KDM5A: variants seen among roughly 807,000 people sequenced by gnomAD.
The protein encoded by KDM5A is lysine-specific demethylase 5A.
Under a neutral mutation model 193.5 loss-of-function variants are expected in KDM5A, and 42 were observed. The ratio of observed to expected loss-of-function variants is 0.22; its 90% CI spans 0.17 to 0.28. The LOEUF is 0.28. Among genes scored for constraint, KDM5A ranks in the 10% least tolerant of loss-of-function variants. The pLI, the probability that KDM5A is intolerant of heterozygous loss-of-function variation, is 1.00. For synonymous variants in KDM5A, 796 were observed against 718.1 expected (o/e 1.11, Z -1.73); for missense variants, 1,692 against 2,055.1 (o/e 0.82, Z 3.42).
At chr12:350,595 A>G (rs771853431) in intron 10 of KDM5A, 26 bp downstream of exon 10, 19 of 1,612,754 alleles carry the variant, frequency 1.2e-5, no homozygotes, top group Non-Finnish European at 1.4e-5. Context: ...GCTTGGGGGT[A>G]AGCAAAAGTT....
chr12:327,429 G>T (rs1051029480), intron 14 of KDM5A, among the ~76,000 whole-genome samples: 1 of 152,146 alleles, frequency 6.6e-6, no homozygotes, highest in Non-Finnish European at 1.5e-5. Flanking sequence ...ACAAGTATAG[G>T]CCGGGCACAG....
chr12:385,139 C>CA (rs1447094766), intron 2 of KDM5A, among the ~76,000 whole-genome samples: 5 of 148,038 alleles, frequency 3.4e-5, no homozygotes, highest in African/African-American at 5.0e-5. Flanking sequence ...GCCGAGATCG[C>CA]ACCACTGCAC....
In KDM5A at chr12:292,885, A is replaced by G. The variant is rs369122121; in HGVS notation, c.4740T>C (p.Thr1580=). Residue 1580 remains threonine (T), a synonymous_variant, in exon 27 of 28, where the codon ACT becomes ACC. Transcript: ENST00000399788. ...GCACCTTTTTCTCTCTTTTCTTTTCAGTGCTCTCTTTCACAAGTTCAACTT... is the reference window on the plus strand; with the variant it reads ...GCACCTTTTTCTCTCTTTTCTTTTCGGTGCTCTCTTTCACAAGTTCAACTT... The part of the protein sequence containing the change: ...AAKVELVKES[T]EKKREKKVLD... The G allele has an allele frequency of 3.1e-6, 5 of 1,613,936 alleles. No individual in the cohort carries two copies. In the African/African-American group the frequency reaches 6.7e-5, roughly 22 times the overall value.
intron 4 of KDM5A, among the ~76,000 whole-genome samples, chr12:365,446 A>G (rs1944346192): frequency 6.6e-6 from 1 of 152,220 alleles, no homozygotes; most frequent in Non-Finnish European, 1.5e-5. Flanking sequence ...AGTTCTAGAA[A>G]AGACAAACTA....
chr12:368,288 G>A (rs1254119650), intron 3 of KDM5A, among the ~76,000 whole-genome samples: 1 of 152,128 alleles, frequency 6.6e-6, no homozygotes, highest in African/African-American at 2.4e-5. Context: ...ATATAGTGGT[G>A]ATAACTGTAC....
Position 307,985 on chromosome 12 carries a change from C to T in KDM5A, c.3399G>A (p.Arg1133=). Residue 1133 remains arginine, a synonymous_variant, in exon 23 of 28, where the codon CGG becomes CGA. Coordinates refer to ENST00000399788, the MANE Select transcript of KDM5A (RefSeq NM_001042603.3). The surrounding 1 kb of genome is among the most constrained non-coding windows in gnomAD (Gnocchi z 4.3). ...TAMVVAVFKE[R]EQKEIEAMHS... ...GCATGGCTTCAATCTCTTTTTGCTCCCGTTCTTTGAAAACTGCCACCTGTA... is the reference window on the plus strand; with the variant it reads ...GCATGGCTTCAATCTCTTTTTGCTCTCGTTCTTTGAAAACTGCCACCTGTA... 1 of 1,614,048 alleles carries T rather than the reference C, an allele frequency of 6.2e-7. No individual in the cohort carries two copies. Among genetic ancestry groups the T allele is most frequent in the South Asian group, 1.1e-5 (1 of 91,080 alleles).
chr12:362,785 T>A (rs954469695), intron 5 of KDM5A, among the ~76,000 whole-genome samples, 178 bp downstream of exon 5: 4 of 152,164 alleles, frequency 2.6e-5, no homozygotes, highest in African/African-American at 4.8e-5. Flanking sequence ...AGTTCATGCA[T>A]TTAAAACTCC....
chr12:385,840 C>G, intron 2 of KDM5A, 57 bp downstream of exon 2: 1 of 1,355,162 alleles, frequency 7.4e-7, no homozygotes, highest in South Asian at 1.2e-5. Flanking sequence ...AGTTCTCTAC[C>G]TACAGCCCTA....
intron 2 of KDM5A, among the ~76,000 whole-genome samples, chr12:384,900 T>C (rs1293255164): frequency 1.3e-5 from 2 of 152,128 alleles, no homozygotes; most frequent in Non-Finnish European, 2.9e-5. Flanking sequence ...AGAAAAAATA[T>C]GCATTGCGGC....
intron 3 of KDM5A, among the ~76,000 whole-genome samples, chr12:379,181 A>G (rs1453080803): frequency 1.3e-5 from 2 of 152,168 alleles, no homozygotes; most frequent in East Asian, 1.9e-4. Flanking sequence ...ATATAAAAAA[A>G]AAACTTAATA....
intron 8 of KDM5A, 67 bp from the exon 9 acceptor site, chr12:352,391 G>T: frequency 7.1e-7 from 1 of 1,417,372 alleles, no homozygotes; most frequent in African/African-American, 1.4e-5. Flanking sequence ...AAGGCTCTTA[G>T]TTACTAAATT....
intron 10 of KDM5A, among the ~76,000 whole-genome samples, chr12:340,099 A>T (rs1188366626): frequency 6.6e-6 from 1 of 151,816 alleles, no homozygotes; most frequent in Admixed American, 6.6e-5. Context: ...GATATTCTGG[A>T]CCTCCTAGAC....
chr12:322,690 G>A, intron 16 of KDM5A, 123 bp from the exon 17 acceptor site: 2 of 806,786 alleles, frequency 2.5e-6, no homozygotes, highest in East Asian at 4.9e-5. Context: ...ATAATTAGTA[G>A]AAACAAACAG....
intron 1 of KDM5A, among the ~76,000 whole-genome samples, chr12:386,908 CA>C (rs879867116): frequency 5.0e-4 from 66 of 133,072 alleles, no homozygotes; most frequent in African/African-American, 4.4e-4. Context: ...TTACCAAGAT[CA>C]AAAAAAAAAA....
At chr12:348,217 C>T (rs1270606558) in intron 10 of KDM5A, among the ~76,000 whole-genome samples, 1 of 152,140 alleles carries the variant, frequency 6.6e-6, no homozygotes, top group African/African-American at 2.4e-5. Context: ...CAATGAGATA[C>T]CATCTCACAC....
intron 1 of KDM5A, chr12:388,230 T>C: frequency 4.4e-6 from 2 of 454,034 alleles, no homozygotes; most frequent in South Asian, 3.1e-5. Context: ...CTGTTTTCCT[T>C]ACCTCAAAGG....
In KDM5A at chr12:284,024, A is replaced by G. The variant is rs1298604303; in HGVS notation, c.*1432T>C. The G allele has an allele frequency of 8.6e-6, 2 of 233,242 alleles. No homozygotes were observed. Among genetic ancestry groups the G allele is most frequent in the African/African-American group, 2.2e-5 (1 of 45,326 alleles). The allele number at this position is 233,242 out of a possible 1,614,324, so 14.4% of individuals were successfully genotyped here. A position where few individuals can be genotyped will look rare whatever the true frequency, so the allele number is the denominator to read the frequency against. Reference sequence around the variant, plus strand: ...CAGACAGGGACAAGTCCCAACACACAAAGGACATATAATTATCTATATGAA... The same window carrying G: ...CAGACAGGGACAAGTCCCAACACACGAAGGACATATAATTATCTATATGAA... On this transcript the variant is annotated 3_prime_UTR_variant, in exon 28 of 28. Transcript: ENST00000399788.
At chr12:384,202 A>G (rs758315185) in intron 2 of KDM5A, 49 bp from the exon 3 acceptor site, 1 of 1,414,904 alleles carries the variant, frequency 7.1e-7, no homozygotes, top group Admixed American at 1.7e-5. Flanking sequence ...GAAATGAATA[A>G]GAATAACAGA....
chr12:363,288 TA>T, intron 4 of KDM5A, among the ~76,000 whole-genome samples, 191 bp from the exon 5 acceptor site: 1 of 152,272 alleles, frequency 6.6e-6, no homozygotes, highest in Admixed American at 6.5e-5. Flanking sequence ...AAGCCGACCC[TA>T]AAATTTATTT....
Sources: gnomAD v4.1 joint callset for allele counts (sites outside exome capture counted in the v4.1 genomes callset) on GRCh38, gnomAD v4.1.1 for gene constraint, Gnocchi (gnomAD v3.1) non-coding constraint, MANE v1.5 for transcripts, NCBI Gene and HGNC (gene_info 2026-07-23, HGNC 2026-07-21) for gene names.